Variants in LRSAM1 observed in about 807,000 individuals in gnomAD.
LRSAM1 encodes the protein leucine rich repeat and sterile alpha motif containing 1.
A neutral mutation model predicts 118.1 loss-of-function variants in LRSAM1; 96 were observed. That is an observed-to-expected ratio of 0.81 (90% CI 0.69 to 0.96). The LOEUF is 0.96. LRSAM1 is among the 40% of genes least tolerant of loss of function. LRSAM1 has a pLI of 0.00. For missense variants in LRSAM1, 804 were observed against 915.5 expected (o/e 0.88, Z 1.57); for synonymous variants, 322 against 364.2 (o/e 0.88, Z 1.32).
At chr9:127,477,575 C>T (rs567677202) in intron 11 of LRSAM1, among the ~76,000 whole-genome samples, 2 of 151,420 alleles carry the variant, frequency 1.3e-5, no homozygotes, top group South Asian at 2.1e-4. Context: ...ATAGCAAGAC[C>T]TTGTCTCTAC....
chr9:127,482,493 A>G (rs1451951404), intron 15 of LRSAM1, among the ~76,000 whole-genome samples: 10 of 152,284 alleles, frequency 6.6e-5, no homozygotes, highest in Admixed American at 1.3e-4. Flanking sequence ...CTAGGTGCCA[A>G]CTTACCTTCC....
chr9:127,488,004 C>T (rs927263297), intron 18 of LRSAM1, among the ~76,000 whole-genome samples: 2 of 152,108 alleles, frequency 1.3e-5, no homozygotes, highest in South Asian at 4.1e-4. Context: ...CTGGCAGGCT[C>T]CTACCCCCAT....
chr9:127,494,956 G>T (rs1309892282), intron 21 of LRSAM1, among the ~76,000 whole-genome samples: 2 of 152,124 alleles, frequency 1.3e-5, no homozygotes, highest in African/African-American at 2.4e-5. Context: ...GTTTTGTTTT[G>T]TTTTGTTTTT....
rs752477588 is a variant in LRSAM1 at position 127,495,349 on chromosome 9, G to A, written c.1629G>A (p.Arg543=). The A allele has an allele frequency of 1.9e-6, 3 of 1,614,084 alleles. No homozygotes were observed. The highest frequency in any genetic ancestry group is 1.1e-5 in the South Asian group (1 of 91,088). ...AGTTAGAAGCCAAAAGTGAAACCAG[G>A]CAGGAAAATTACTGGCTGATTCAGT... The part of the protein sequence containing the change: ...LTELEAKSET[R]QENYWLIQYQ... Residue 543 remains arginine (R), a synonymous_variant, in exon 22 of 26, where the codon AGG becomes AGA. Transcript: ENST00000300417.
intron 17 of LRSAM1, among the ~76,000 whole-genome samples, chr9:127,487,078 G>A (rs996082410): frequency 1.3e-5 from 2 of 151,872 alleles, no homozygotes; most frequent in Non-Finnish European, 2.9e-5. Context: ...CAGCTACTTG[G>A]GAGACTGAGG....
At chr9:127,467,667 T>C in intron 9 of LRSAM1, 73 bp from the exon 10 acceptor site, 9 of 1,405,252 alleles carry the variant, frequency 6.4e-6, no homozygotes, top group Non-Finnish European at 8.9e-6. Context: ...AACACACAAA[T>C]TGATAAGGAA....
chr9:127,477,829 C>T (rs1835394257), intron 11 of LRSAM1, among the ~76,000 whole-genome samples: 1 of 152,116 alleles, frequency 6.6e-6, no homozygotes, highest in Non-Finnish European at 1.5e-5. Context: ...AAATGGATCA[C>T]CTGAGGTCAG....
intron 10 of LRSAM1, among the ~76,000 whole-genome samples, chr9:127,468,988 G>A (rs987747532): frequency 6.6e-6 from 1 of 151,930 alleles, no homozygotes; most frequent in Non-Finnish European, 1.5e-5. Flanking sequence ...CAAAAAAAAG[G>A]TTTAATTAAA....
rs747659617 is a variant in LRSAM1 at position 127,489,443 on chromosome 9, G to A, written c.1348-1G>A. The A allele has an allele frequency of 1.3e-5, 21 of 1,606,038 alleles. No individual in the cohort carries two copies. The Admixed American group carries it at 3.6e-4, about 27-fold the overall frequency. On this transcript the variant is annotated splice_acceptor_variant, in intron 18 of 25. Coordinates refer to ENST00000300417, the MANE Select transcript of LRSAM1 (RefSeq NM_001005373.4). LOFTEE classifies it high-confidence loss of function. ...CTGAGGGCTGGTGGTCTGTGTTGCA[G>A]AGCGCGATGCAGAAGGCTGCGTTCG... is the stretch of plus-strand genomic sequence containing the variant.
At chr9:127,476,388 A>C (rs1835351372) in intron 11 of LRSAM1, among the ~76,000 whole-genome samples, 2 of 152,112 alleles carry the variant, frequency 1.3e-5, no homozygotes, top group African/African-American at 4.8e-5. Flanking sequence ...TCTACAAAAA[A>C]TACAAAAAAA....
chr9:127,485,281 C>T (rs976857034), intron 16 of LRSAM1, among the ~76,000 whole-genome samples: 2 of 152,002 alleles, frequency 1.3e-5, no homozygotes, highest in Admixed American at 1.3e-4. Context: ...AAGAACAGGC[C>T]GGGCGCAGTG....
At chr9:127,496,521 G>T (rs1365381001) in intron 23 of LRSAM1, among the ~76,000 whole-genome samples, 1 of 152,192 alleles carries the variant, frequency 6.6e-6, no homozygotes, top group African/African-American at 2.4e-5. Flanking sequence ...AATACTCATC[G>T]CTGTGCCAGC....
At chr9:127,487,800 G>T in intron 18 of LRSAM1, 37 bp downstream of exon 18, 1 of 1,589,416 alleles carries the variant, frequency 6.3e-7, no homozygotes, top group Non-Finnish European at 8.6e-7. Flanking sequence ...TGGGAGCTCA[G>T]GAGGGAGGTT....
rs559956603 is a variant in LRSAM1 at position 127,473,657 on chromosome 9, A to C, written c.620-144A>C. On this transcript the variant is annotated intron_variant, in intron 10 of 25. Transcript: ENST00000300417. ...CCAGGCCCAGGGCTAGGACCGGTGAAAAACACGAAGCGCCCAGGCTAGGGA... is the reference window on the plus strand; with the variant it reads ...CCAGGCCCAGGGCTAGGACCGGTGACAAACACGAAGCGCCCAGGCTAGGGA... The C allele has an allele frequency of 7.3e-5, 87 of 1,187,804 alleles. No individual in the cohort carries two copies. In the African/African-American group the frequency reaches 1.2e-3, roughly 17 times the overall value. The allele number at this position is 1,187,804 out of a possible 1,614,324, so 73.6% of individuals were successfully genotyped here.
intron 8 of LRSAM1, among the ~76,000 whole-genome samples, chr9:127,461,641 C>T (rs144582822): frequency 1.4e-3 from 210 of 152,350 alleles, no homozygotes; most frequent in Middle Eastern, 6.8e-3. Context: ...GAGGAGTCCA[C>T]TGGGCAGGCT....
At chr9:127,480,504 C>G (rs1268692111) in intron 14 of LRSAM1, among the ~76,000 whole-genome samples, 1 of 152,182 alleles carries the variant, frequency 6.6e-6, no homozygotes, top group Non-Finnish European at 1.5e-5. Context: ...CAGCCATATG[C>G]CCTGCCACTT....
chr9:127,490,189 G>A (rs1390312240), intron 19 of LRSAM1, among the ~76,000 whole-genome samples: 1 of 152,228 alleles, frequency 6.6e-6, no homozygotes, highest in Non-Finnish European at 1.5e-5. Flanking sequence ...GAGTACTCCT[G>A]CATCATGTTC....
intron 11 of LRSAM1, among the ~76,000 whole-genome samples, chr9:127,474,812 C>T (rs1835297377): frequency 6.6e-6 from 1 of 152,198 alleles, no homozygotes; most frequent in Non-Finnish European, 1.5e-5. Flanking sequence ...CACAGGACGA[C>T]ACAGAGGAGG....
chr9:127,452,536 T>A (rs191174800), intron 2 of LRSAM1, among the ~76,000 whole-genome samples: 37 of 152,332 alleles, frequency 2.4e-4, no homozygotes, highest in Admixed American at 5.9e-4. Context: ...CTAGCTCCTC[T>A]AGCGGGCCCT....
Sources: gnomAD v4.1 joint callset for allele counts (sites outside exome capture counted in the v4.1 genomes callset) on GRCh38, gnomAD v4.1.1 for gene constraint, MANE v1.5 for transcripts, NCBI Gene and HGNC (gene_info 2026-07-23, HGNC 2026-07-21) for gene names.